The following PAK3 variants were observed in gnomAD, a reference collection of about 807,000 sequenced individuals.
PAK3 encodes the protein serine/threonine-protein kinase PAK 3.
PAK3 carries 4 observed loss-of-function variants against 41.0 expected under a neutral mutation model. That is an observed-to-expected ratio of 0.10 (90% confidence interval 0.05 to 0.22). The LOEUF (loss-of-function observed/expected upper bound fraction) is 0.22. PAK3 is among the 10% of genes least tolerant of loss of function. The probability of loss-of-function intolerance (pLI) is 1.00; values close to 1 mark genes in which losing one functional copy is unlikely to be tolerated. For synonymous variants in PAK3, 146 were observed against 139.6 expected (o/e 1.05, Z -0.32); for missense variants, 205 against 409.9 (o/e 0.50, Z 4.32).
chrX:111,064,276 A>AT (rs1035856551), intron 1 of PAK3, among the ~76,000 whole-genome samples: 1 of 111,506 alleles, frequency 9.0e-6, no homozygotes, highest in African/African-American at 3.3e-5. Context: ...TTATTTACTT[A>AT]TTTTTTATTA....
At chrX:111,135,418 A>G (rs1019867969) in intron 5 of PAK3, among the ~76,000 whole-genome samples, 2 of 111,113 alleles carry the variant, frequency 1.8e-5, no homozygotes, top group East Asian at 5.7e-4. Flanking sequence ...AGTTAACTAC[A>G]TGGGGTTGGG....
intron 1 of PAK3, among the ~76,000 whole-genome samples, chrX:111,009,746 G>T (rs1015774780): frequency 8.9e-6 from 1 of 112,194 alleles, no homozygotes; most frequent in East Asian, 2.8e-4. Flanking sequence ...GAATAATACT[G>T]CATATGTACT....
chrX:110,995,994 G>T (rs1359515679), intron 1 of PAK3, among the ~76,000 whole-genome samples: 1 of 111,949 alleles, frequency 8.9e-6, no homozygotes, highest in Admixed American at 9.5e-5. Context: ...GTCTCAAGTA[G>T]GTTCTTGTCC....
intron 11 of PAK3, among the ~76,000 whole-genome samples, chrX:111,182,235 A>G (rs1318607229): frequency 2.7e-5 from 3 of 110,920 alleles, no homozygotes; most frequent in African/African-American, 9.8e-5. Flanking sequence ...TGAGTAGCCG[A>G]GAGTTATCTG....
chrX:111,021,791 A>C (rs1377473384), intron 1 of PAK3, among the ~76,000 whole-genome samples: 1 of 110,114 alleles, frequency 9.1e-6, no homozygotes, highest in Non-Finnish European at 1.9e-5. Flanking sequence ...ATAGGATATG[A>C]ACGGAAAATT....
At chrX:110,993,341 A>AT (rs764000434) in intron 1 of PAK3, among the ~76,000 whole-genome samples, 80 of 110,702 alleles carry the variant, frequency 7.2e-4, no homozygotes, top group Middle Eastern at 4.6e-3. Context: ...TGAATTGATG[A>AT]TTTTTTTTCT....
At chrX:111,064,714 G>A (rs1322131627) in intron 1 of PAK3, among the ~76,000 whole-genome samples, 1 of 112,486 alleles carries the variant, frequency 8.9e-6, no homozygotes, top group African/African-American at 3.2e-5. Flanking sequence ...CACCTTGGTT[G>A]ATTCCAAGTC....
At chrX:111,200,340 C>G (rs762353770) in intron 16 of PAK3, among the ~76,000 whole-genome samples, 5 of 111,957 alleles carry the variant, frequency 4.5e-5, no homozygotes, top group South Asian at 7.5e-4. Context: ...CCTCCTGGCT[C>G]TCTCCTAACT....
At chrX:110,968,037 T>C (rs1358521110) in intron 1 of PAK3, among the ~76,000 whole-genome samples, 1 of 112,623 alleles carries the variant, frequency 8.9e-6, no homozygotes, top group East Asian at 2.8e-4. Flanking sequence ...TTCATCTCTA[T>C]AGTTTTGTCA....
At chrX:111,171,080 G>C (rs1490590556) in intron 10 of PAK3, among the ~76,000 whole-genome samples, 1 of 111,049 alleles carries the variant, frequency 9.0e-6, no homozygotes, top group Non-Finnish European at 1.9e-5. Flanking sequence ...CATGGTGTAA[G>C]AGGAACTAGA....
chrX:110,961,526 G>A (rs1476272167), intron 1 of PAK3, among the ~76,000 whole-genome samples: 1 of 111,450 alleles, frequency 9.0e-6, no homozygotes, highest in Non-Finnish European at 1.9e-5. Flanking sequence ...CTTTTATCCT[G>A]TTGTCTCCTC....
chrX:111,137,892 C>G (rs1168069201), intron 5 of PAK3, among the ~76,000 whole-genome samples: 2 of 111,489 alleles, frequency 1.8e-5, no homozygotes, highest in African/African-American at 6.5e-5. Flanking sequence ...GATAGCTGAC[C>G]AGGTTGAGCT....
chrX:111,063,825 A>G (rs1017957384), intron 1 of PAK3, among the ~76,000 whole-genome samples: 56 of 109,729 alleles, frequency 5.1e-4, no homozygotes, highest in African/African-American at 1.9e-3. Flanking sequence ...GTCTCGAAAA[A>G]AAAAAAAAAA....
At chrX:111,017,896 G>A (rs1448538240) in intron 1 of PAK3, among the ~76,000 whole-genome samples, 2 of 110,444 alleles carry the variant, frequency 1.8e-5, no homozygotes, top group Admixed American at 1.9e-4. Context: ...TGAGTAAGTG[G>A]GATTTATTCC....
chrX:111,181,026 C>T (rs749213741), intron 11 of PAK3, among the ~76,000 whole-genome samples: 30 of 111,370 alleles, frequency 2.7e-4, no homozygotes, highest in Admixed American at 2.0e-3. Context: ...ATGAGAGTGC[C>T]GGTTTGCCTG....
chrX:111,138,616 A>G (rs897469056), intron 5 of PAK3, among the ~76,000 whole-genome samples: 1 of 111,015 alleles, frequency 9.0e-6, no homozygotes, highest in African/African-American at 3.3e-5. Flanking sequence ...AGAGGGTAAG[A>G]AGTAAGACTT....
chrX:111,189,338 G>A (rs2094541495), intron 11 of PAK3, among the ~76,000 whole-genome samples: 1 of 111,774 alleles, frequency 8.9e-6, no homozygotes, highest in Non-Finnish European at 1.9e-5. Context: ...TGGGCCCATA[G>A]GTTTTTTCCA....
chrX:111,178,586 T>C (rs1603354322), intron 11 of PAK3, among the ~76,000 whole-genome samples: 1 of 111,321 alleles, frequency 9.0e-6, no homozygotes, highest in East Asian at 2.8e-4. Flanking sequence ...GCTCAGTAAA[T>C]GCTAGTTATT....
rs180839349 is a variant in PAK3 at position 111,169,953 on chromosome X, A to G, written c.767-3065A>G. 1.2e-3 allele frequency among the ~76,000 whole-genome samples: 133 copies of G among 111,566 alleles called. 3 individuals carry two copies. Among genetic ancestry groups the G allele is most frequent in the African/African-American group, 3.5e-3 (106 of 30,705 alleles). The stretch of plus-strand genomic sequence containing the variant: ...ATCTGTAGGTGTTAGGGAGCTATCA[A>G]GTAATCCTGAACCAGAGAATCACAT... On this transcript the variant is annotated intron_variant, in intron 10 of 17. Coordinates refer to ENST00000372007, the MANE Select transcript of PAK3 (RefSeq NM_002578.5).
Sources: allele counts gnomAD v4.1 joint callset (sites outside exome capture counted in the v4.1 genomes callset), GRCh38; gene constraint gnomAD v4.1.1; transcripts MANE v1.5; gene names NCBI Gene and HGNC (gene_info 2026-07-23, HGNC 2026-07-21).